PTPN3: variants seen among roughly 807,000 people sequenced by gnomAD.
PTPN3 encodes tyrosine-protein phosphatase non-receptor type 3.
PTPN3 carries 96 observed loss-of-function variants against 132.7 expected under a neutral mutation model. The ratio of observed to expected loss-of-function variants is 0.72; its 90% CI spans 0.61 to 0.86. The LOEUF is 0.86. Ranked by LOEUF, PTPN3 falls within the 40% of genes least tolerant of loss-of-function variation. The pLI is 0.00. For missense variants in PTPN3, 1,125 were observed against 1,159.6 expected (o/e 0.97, Z 0.43); for synonymous variants, 398 against 429.0 (o/e 0.93, Z 0.89).
At chr9:109,479,008 C>T (rs550569622) in intron 1 of PTPN3, among the ~76,000 whole-genome samples, 90 of 149,568 alleles carry the variant, frequency 6.0e-4, no homozygotes, top group African/African-American at 2.2e-3. Context: ...GGTAAACAAG[C>T]GTTTTTTTTT....
intron 5 of PTPN3, chr9:109,451,028 A>G (rs1160441640): frequency 4.2e-6 from 4 of 946,658 alleles, no homozygotes; most frequent in Non-Finnish European, 3.7e-6. Context: ...AAGTTTTTTT[A>G]TTTTTCATTT....
chr9:109,497,888 G>T (rs1222640256), intron 1 of PTPN3, among the ~76,000 whole-genome samples: 1 of 150,644 alleles, frequency 6.6e-6, no homozygotes, highest in African/African-American at 2.4e-5. Flanking sequence ...CCGGACGCAC[G>T]GGCTCCGCGG....
At chr9:109,417,697 G>GT in intron 14 of PTPN3, 1 of 985,330 alleles carries the variant, frequency 1.0e-6, no homozygotes, top group Non-Finnish European at 1.2e-6. Flanking sequence ...AACAGAGGTG[G>GT]TGGGGGCTGC....
intron 7 of PTPN3, among the ~76,000 whole-genome samples, chr9:109,443,779 C>A (rs1434556676): frequency 1.3e-5 from 2 of 152,162 alleles, no homozygotes; most frequent in Non-Finnish European, 2.9e-5. Context: ...TCAAATCCAC[C>A]CAGGCCCATT....
intron 19 of PTPN3, among the ~76,000 whole-genome samples, chr9:109,404,216 T>G (rs1283229644): frequency 1.3e-5 from 2 of 152,148 alleles, no homozygotes; most frequent in Non-Finnish European, 2.9e-5. Context: ...TGCTTGCTGC[T>G]CCGAGCCTGA....
chr9:109,492,203 G>A (rs1376045878), intron 1 of PTPN3, among the ~76,000 whole-genome samples: 1 of 152,082 alleles, frequency 6.6e-6, no homozygotes, highest in Non-Finnish European at 1.5e-5. Flanking sequence ...AGCTGATGGA[G>A]CTGGTTGCTG....
the PTPN3 span, among the ~76,000 whole-genome samples, chr9:109,508,716 A>C: frequency 7.4e-6 from 1 of 135,900 alleles, no homozygotes; most frequent in East Asian, 1.9e-4. Context: ...ATAATCAATC[A>C]GTAGATAGAA....
intron 7 of PTPN3, among the ~76,000 whole-genome samples, chr9:109,440,816 G>T (rs551964869): frequency 6.6e-6 from 1 of 152,162 alleles, no homozygotes; most frequent in East Asian, 1.9e-4. Flanking sequence ...TCTGAGCTTC[G>T]AACACAACCA....
chr9:109,429,108 A>T lies in PTPN3; in HGVS notation c.765-424T>A, dbSNP rs1843489416. On this transcript the variant is annotated intron_variant, in intron 10 of 25. Transcript: ENST00000374541. ...CCACGTGTCAAGTAGCCTACTTAAC[A>T]TTTGCAAGATAACAGAATTTAGTCA... The T allele has an allele frequency of 6.3e-6, 6 of 952,230 alleles. No individual in the cohort carries two copies. The South Asian group carries it at 2.9e-4, about 46-fold the overall frequency. The allele number at this position is 952,230 out of a possible 1,614,324, so 59.0% of individuals were successfully genotyped here. A position where few individuals can be genotyped will look rare whatever the true frequency, so the allele number is the denominator to read the frequency against.
intron 9 of PTPN3, among the ~76,000 whole-genome samples, chr9:109,433,933 A>G (rs1278509313): frequency 6.6e-6 from 1 of 151,390 alleles, no homozygotes; most frequent in African/African-American, 2.4e-5. Flanking sequence ...AAAAAAAAAA[A>G]AAAAAAAAAA....
chr9:109,420,546 A>G lies in PTPN3; in HGVS notation c.1191T>C (p.Asp397=), dbSNP rs1246192112. 1 of 1,613,238 alleles carries G rather than the reference A, an allele frequency of 6.2e-7. No homozygotes were observed. The highest frequency in any genetic ancestry group is 1.7e-5 in the Admixed American group (1 of 60,022). The change falls in exon 14 of 26, where the codon GAT becomes GAC. Residue 397 remains aspartate (D), a synonymous_variant. Coordinates refer to ENST00000374541, the MANE Select transcript of PTPN3 (RefSeq NM_002829.4). ...TGTAGGTCATTTCATTTGCAAGGTT[A>G]TCTGCAGAAGAGTGGCGTGGCTTTC... The part of the protein sequence containing the change: ...EIRKPRHSSA[D]NLANEMTYIT...
chr9:109,498,494 T>G (rs1847793791), upstream of PTPN3, among the ~76,000 whole-genome samples: 1 of 152,018 alleles, frequency 6.6e-6, no homozygotes, highest in African/African-American at 2.4e-5. The surrounding 1 kb of genome is among the most constrained non-coding windows in gnomAD (Gnocchi z 4.2). Flanking sequence ...GGGCAGGTCC[T>G]GAGTTCCCTC....
intron 19 of PTPN3, among the ~76,000 whole-genome samples, chr9:109,395,982 G>T (rs966502839): frequency 2.6e-5 from 4 of 150,974 alleles, no homozygotes; most frequent in Non-Finnish European, 5.9e-5. Flanking sequence ...TCAGCCTCCC[G>T]TGTAGCTGGA....
intron 2 of PTPN3, among the ~76,000 whole-genome samples, chr9:109,462,465 C>T (rs951401462): frequency 5.3e-5 from 8 of 152,188 alleles, no homozygotes; most frequent in Admixed American, 1.3e-4. Flanking sequence ...CTCATCCCAT[C>T]TTCTCTTCTG....
Position 109,421,809 on chromosome 9 carries a change from ATCTCCTCTG to A in PTPN3, c.1136+900_1136+908del, listed in dbSNP as rs547349726. On this transcript the variant is annotated intron_variant, in intron 13 of 25. Coordinates refer to ENST00000374541, the MANE Select transcript of PTPN3 (RefSeq NM_002829.4). ...CCTTCCCTAGCAGGCCCAGCACAGC[ATCTCCTCTG>A]TCTGCCTGTCTCCCAGTTTCTCTTA... is the stretch of plus-strand genomic sequence containing the variant. Among the ~76,000 whole-genome samples the A allele has an allele frequency of 6.7e-3, 1,018 of 152,316 alleles. 11 individuals are homozygous for A. Among genetic ancestry groups the A allele is most frequent in the African/African-American group, 0.023 (957 of 41,568 alleles).
At chr9:109,524,373 T>TACA in the PTPN3 span, among the ~76,000 whole-genome samples, 1,675 of 42,586 alleles carry the variant, frequency 0.039, 124 homozygotes, top group East Asian at 0.42. Flanking sequence ...GGAGGTACTA[T>TACA]TATTCCCATC....
Position 109,428,603 on chromosome 9 carries a change from A to G in PTPN3, c.828+18T>C, listed in dbSNP as rs1257185535. On this transcript the variant is annotated intron_variant, in intron 11 of 25. Coordinates refer to ENST00000374541, the MANE Select transcript of PTPN3 (RefSeq NM_002829.4). Reference sequence around the variant, plus strand: ...TACATATGCACGAAACAAAGCAAGCAAAGACATAACTACTCACCTGTTTCT... The same window carrying G: ...TACATATGCACGAAACAAAGCAAGCGAAGACATAACTACTCACCTGTTTCT... The G allele has an allele frequency of 1.9e-6, 3 of 1,611,442 alleles. No individual in the cohort carries two copies. The highest frequency in any genetic ancestry group is 1.3e-5 in the African/African-American group (1 of 74,864).
chr9:109,400,029 G>A (rs1375253156), intron 19 of PTPN3, among the ~76,000 whole-genome samples: 1 of 150,950 alleles, frequency 6.6e-6, no homozygotes, highest in Non-Finnish European at 1.5e-5. Context: ...CCAGGCTCAA[G>A]TGATCCTCTC....
At position 109,430,390 on chromosome 9, in the gene PTPN3, G is replaced by A. The variant is rs77716487; in HGVS notation, c.765-1706C>T. On this transcript the variant is annotated intron_variant, in intron 10 of 25. Coordinates refer to ENST00000374541, the MANE Select transcript of PTPN3 (RefSeq NM_002829.4). ...GCCTCCTGTGGTTCCTAGGGCTCCA[G>A]CTCAGCATCGCCTTCCCAGGCTGAC... Among the ~76,000 whole-genome samples the A allele has an allele frequency of 7.4e-3, 1,129 of 152,250 alleles. 13 individuals carry two copies. The highest frequency in any genetic ancestry group is 0.025 in the African/African-American group (1,036 of 41,554).
Sources: gnomAD v4.1 joint callset for allele counts (sites outside exome capture counted in the v4.1 genomes callset) on GRCh38, gnomAD v4.1.1 for gene constraint, Gnocchi (gnomAD v3.1) non-coding constraint, MANE v1.5 for transcripts, NCBI Gene and HGNC (gene_info 2026-07-23, HGNC 2026-07-21) for gene names.